Variants in SLC14A2 observed in about 807,000 individuals in gnomAD.
SLC14A2 encodes the protein urea transporter 2.
A neutral mutation model predicts 104.6 loss-of-function variants in SLC14A2; 91 were observed. The ratio of observed to expected loss-of-function variants is 0.87; its 90% CI spans 0.73 to 1.04. The LOEUF (loss-of-function observed/expected upper bound fraction) is 1.04. Among genes scored for constraint, SLC14A2 ranks in the 50% least tolerant of loss-of-function variants. The pLI, the probability that SLC14A2 is intolerant of heterozygous loss-of-function variation, is 0.00. For synonymous variants in SLC14A2, 476 were observed against 466.4 expected, an observed-to-expected ratio of 1.02 and a Z score of -0.27; for missense variants, 1,189 against 1,156.0, an observed-to-expected ratio of 1.03 and a Z score of -0.41.
chr18:45,219,794 T>C (rs1382416591), intron 1 of SLC14A2, among the ~76,000 whole-genome samples: 1 of 152,106 alleles, frequency 6.6e-6, no homozygotes, highest in Non-Finnish European at 1.5e-5. Flanking sequence ...GGCAGGAAAA[T>C]ACATGCAGAA....
chr18:45,235,505 G>A (rs1019234191), intron 1 of SLC14A2, among the ~76,000 whole-genome samples: 1 of 151,882 alleles, frequency 6.6e-6, no homozygotes, highest in African/African-American at 2.4e-5. Context: ...ACTATAGAAC[G>A]CTAGAATTTA....
At chr18:45,574,210 G>A (rs556477642) in intron 2 of SLC14A2, among the ~76,000 whole-genome samples, 3 of 152,326 alleles carry the variant, frequency 2.0e-5, no homozygotes, top group East Asian at 1.9e-4. Context: ...CTATATGCAT[G>A]TGTGCTTGTG....
chr18:45,435,102 G>A (rs973699980), intron 1 of SLC14A2: 1 of 152,130 alleles, frequency 6.6e-6, no homozygotes, highest in Non-Finnish European at 1.5e-5. Context: ...CCCTCCACCT[G>A]GGCCTGGAGA....
chr18:45,207,275 G>A, the SLC14A2 span, among the ~76,000 whole-genome samples: 1 of 149,998 alleles, frequency 6.7e-6, no homozygotes, highest in East Asian at 2.0e-4. Flanking sequence ...ATGGAGACAT[G>A]AAGGAAAGAA....
chr18:45,643,927 C>T lies in SLC14A2; in HGVS notation c.1177-59C>T, dbSNP rs1599109742. ...CTGTCACATCCTTCTCCCCCAGAGT[C>T]CCCAGCCCAACACAGGAAACTAGGA... On this transcript the variant is annotated intron_variant, in intron 9 of 19. Coordinates refer to ENST00000255226, the MANE Select transcript of SLC14A2 (RefSeq NM_007163.4). 2.4e-5 allele frequency: 36 copies of T among 1,489,682 alleles called. 1 individual carries two copies. The East Asian group carries it at 8.2e-4, about 34-fold the overall frequency. 92.3% of individuals were successfully genotyped at this position (1,489,682 alleles called of 1,614,324 possible).
chr18:45,396,335 G>A (rs2086030244), intron 1 of SLC14A2, among the ~76,000 whole-genome samples: 1 of 152,094 alleles, frequency 6.6e-6, no homozygotes, highest in Non-Finnish European at 1.5e-5. Context: ...CATGTCCAGG[G>A]CAGAGTCCCA....
chr18:45,236,247 GTA>G (rs369466256), intron 1 of SLC14A2, among the ~76,000 whole-genome samples: 978 of 38,142 alleles, frequency 0.026, 192 homozygotes, highest in East Asian at 0.036. Flanking sequence ...ATATATGTGT[GTA>G]TATATGTGTA....
At chr18:45,420,344 T>C (rs776989997) in intron 1 of SLC14A2, among the ~76,000 whole-genome samples, 12 of 152,232 alleles carry the variant, frequency 7.9e-5, no homozygotes, top group Non-Finnish European at 1.5e-4. Flanking sequence ...TCTAGTGTAT[T>C]CTATTGATCA....
intron 2 of SLC14A2, among the ~76,000 whole-genome samples, chr18:45,534,892 G>T (rs2043756723): frequency 6.6e-6 from 1 of 152,144 alleles, no homozygotes; most frequent in Non-Finnish European, 1.5e-5. Flanking sequence ...CATCTTTGTA[G>T]TCACTGATGG....
intron 2 of SLC14A2, among the ~76,000 whole-genome samples, chr18:45,496,696 C>T (rs74359857): frequency 0.074 from 11,313 of 152,150 alleles, 548 homozygotes; most frequent in East Asian, 0.21. Flanking sequence ...GGCAGGAGAA[C>T]TGCTTGAACC....
chr18:45,588,021 T>G (rs1441308704), intron 2 of SLC14A2, among the ~76,000 whole-genome samples: 1 of 152,064 alleles, frequency 6.6e-6, no homozygotes, highest in East Asian at 1.9e-4. Flanking sequence ...GGGAGATGAT[T>G]GAAAATGCCG....
At chr18:45,605,236 G>T (rs780038564) in intron 2 of SLC14A2, among the ~76,000 whole-genome samples, 25 of 152,282 alleles carry the variant, frequency 1.6e-4, no homozygotes, top group Non-Finnish European at 2.9e-4. Flanking sequence ...AGTAAAGCTT[G>T]ATTTCCTTCT....
At chr18:45,588,505 G>A (rs1386976334) in intron 2 of SLC14A2, among the ~76,000 whole-genome samples, 1 of 152,246 alleles carries the variant, frequency 6.6e-6, no homozygotes, top group Non-Finnish European at 1.5e-5. Context: ...GATGGGATGA[G>A]GAGAAATGAC....
chr18:45,498,539 T>C (rs561790641), intron 2 of SLC14A2, among the ~76,000 whole-genome samples: 1 of 152,314 alleles, frequency 6.6e-6, no homozygotes, highest in East Asian at 1.9e-4. Context: ...GCAGGAATCA[T>C]GCAAGAAGCT....
the SLC14A2 span, among the ~76,000 whole-genome samples, chr18:45,171,272 G>T: frequency 6.6e-6 from 1 of 152,014 alleles, no homozygotes; most frequent in Non-Finnish European, 1.5e-5. Flanking sequence ...AGTCAGGGGA[G>T]ATTTTAGAGA....
chr18:45,483,143 T>C (rs1396922481), intron 1 of SLC14A2: 3 of 152,210 alleles, frequency 2.0e-5, no homozygotes, highest in Admixed American at 6.5e-5. Flanking sequence ...GTATTGTTTA[T>C]AATTTTTAAA....
At chr18:45,485,927 A>G (rs2087596095) in intron 2 of SLC14A2, among the ~76,000 whole-genome samples, 1 of 152,140 alleles carries the variant, frequency 6.6e-6, no homozygotes, top group Admixed American at 6.5e-5. Context: ...GGCTGCTGTG[A>G]TGACACAAGT....
At chr18:45,585,708 G>T (rs973290958) in intron 2 of SLC14A2, among the ~76,000 whole-genome samples, 1 of 152,096 alleles carries the variant, frequency 6.6e-6, no homozygotes, top group African/African-American at 2.4e-5. Flanking sequence ...TCCCATTCAC[G>T]CTACCTGCTC....
chr18:45,554,465 T>G (rs752009213), intron 2 of SLC14A2, among the ~76,000 whole-genome samples: 25 of 152,270 alleles, frequency 1.6e-4, no homozygotes, highest in Admixed American at 9.8e-4. Flanking sequence ...TGCCCTAATT[T>G]GCAGCCCCCA....
Sources: allele counts gnomAD v4.1 joint callset (sites outside exome capture counted in the v4.1 genomes callset), GRCh38; gene constraint gnomAD v4.1.1; transcripts MANE v1.5; gene names NCBI Gene and HGNC (gene_info 2026-07-23, HGNC 2026-07-21).